Variants in PPP1R12A observed in about 807,000 individuals in gnomAD.
PPP1R12A encodes the protein myosin binding subunit.
PPP1R12A carries 19 observed loss-of-function variants against 139.6 expected under a neutral mutation model. The ratio of observed to expected loss-of-function variants is 0.14; its 90% CI spans 0.09 to 0.20. The LOEUF is 0.20. PPP1R12A is among the 10% of genes least tolerant of loss of function. The pLI, the probability that PPP1R12A is intolerant of heterozygous loss-of-function variation, is 1.00. For synonymous variants in PPP1R12A, 427 were observed against 420.6 expected (o/e 1.02, Z -0.19); for missense variants, 925 against 1,211.5 (o/e 0.76, Z 3.51).
At chr12:79,792,445 T>C (rs1480927381) in intron 19 of PPP1R12A, among the ~76,000 whole-genome samples, 3 of 152,216 alleles carry the variant, frequency 2.0e-5, no homozygotes, top group African/African-American at 7.2e-5. Context: ...TTAATCCAGT[T>C]TGACTTAGGT....
At chr12:79,864,693 CT>C (rs1881763954) in intron 2 of PPP1R12A, among the ~76,000 whole-genome samples, 1 of 152,210 alleles carries the variant, frequency 6.6e-6, no homozygotes, top group Non-Finnish European at 1.5e-5. Flanking sequence ...ACTATAAACA[CT>C]TCTATGCAAA....
chr12:79,876,022 G>A lies in PPP1R12A; in HGVS notation c.238-3084C>T, dbSNP rs548257749. On this transcript the variant is annotated intron_variant, in intron 1 of 24. Coordinates refer to ENST00000450142, the MANE Select transcript of PPP1R12A (RefSeq NM_002480.3). ...AAATGCCACTTCAACCTAAGAAAGA[G>A]CAGTTTGGGGCTGGCTGATGAGAGA... 2.6e-5 allele frequency among the ~76,000 whole-genome samples: 4 copies of A among 152,308 alleles called. No homozygotes were observed. The South Asian group carries it at 6.2e-4, about 24-fold the overall frequency.
intron 14 of PPP1R12A, among the ~76,000 whole-genome samples, chr12:79,800,171 C>T (rs1261192455): frequency 6.6e-6 from 1 of 152,100 alleles, no homozygotes; most frequent in Admixed American, 6.5e-5. Flanking sequence ...ACTTATAGAA[C>T]CAGAGTACAG....
intron 1 of PPP1R12A, among the ~76,000 whole-genome samples, chr12:79,885,735 T>A (rs1210104108): frequency 1.3e-5 from 2 of 152,214 alleles, no homozygotes; most frequent in Non-Finnish European, 2.9e-5. Flanking sequence ...TTACCCGAAA[T>A]GCTTGCAATT....
rs574558347 is a variant in PPP1R12A at position 79,877,004 on chromosome 12, C to A, written c.238-4066G>T. On this transcript the variant is annotated intron_variant, in intron 1 of 24. Transcript: ENST00000450142. ...CCAGCCTGGGCAACAGAGCAAGACT[C>A]CATCTCAGAAAAAAAAAGGGTAAAA... Among the ~76,000 whole-genome samples, 9 of 144,614 alleles carry A rather than the reference C, an allele frequency of 6.2e-5. No homozygotes were observed. In the East Asian group the frequency reaches 1.9e-3, roughly 30 times the overall value. The allele number at this position is 144,614 out of a possible 152,430, so 94.9% of individuals were successfully genotyped here.
chr12:79,833,610 A>T (rs930669874), intron 3 of PPP1R12A, among the ~76,000 whole-genome samples: 1 of 151,162 alleles, frequency 6.6e-6, no homozygotes, highest in African/African-American at 2.4e-5. Context: ...AGATCATTTG[A>T]GGTCAGCAGT....
At position 79,799,999 on chromosome 12, in the gene PPP1R12A, C is replaced by CA. The variant is rs575867045; in HGVS notation, c.2001-1416dup. On this transcript the variant is annotated intron_variant, in intron 14 of 24. Coordinates refer to ENST00000450142, the MANE Select transcript of PPP1R12A (RefSeq NM_002480.3). The stretch of plus-strand genomic sequence containing the variant: ...CAGCGTGGGTGACAGAATTGAGACT[C>CA]AAAAAAAAAAGTTAAATAATTAAAG... Among the ~76,000 whole-genome samples the CA allele has an allele frequency of 7.8e-3, 1,134 of 145,846 alleles. 11 individuals carry two copies. Among genetic ancestry groups the CA allele is most frequent in the African/African-American group, 0.027 (1,074 of 39,780 alleles).
At chr12:79,809,173 A>G (rs1355464220) in intron 10 of PPP1R12A, among the ~76,000 whole-genome samples, 1 of 152,118 alleles carries the variant, frequency 6.6e-6, no homozygotes, top group Non-Finnish European at 1.5e-5. Flanking sequence ...TTGATGAGAA[A>G]TTTCATCTGA....
At chr12:79,855,528 T>C (rs564387675) in intron 2 of PPP1R12A, among the ~76,000 whole-genome samples, 1 of 152,282 alleles carries the variant, frequency 6.6e-6, no homozygotes, top group Non-Finnish European at 1.5e-5. Context: ...GTAACTGTTT[T>C]AAGGTTTTGA....
At chr12:79,782,029 G>C (rs1870515462) in intron 22 of PPP1R12A, 167 bp from the exon 23 acceptor site, 1 of 412,492 alleles carries the variant, frequency 2.4e-6, no homozygotes, top group African/African-American at 2.1e-5. Context: ...ATAATAAAGA[G>C]TGCAATGAAT....
intron 3 of PPP1R12A, among the ~76,000 whole-genome samples, chr12:79,843,614 ATAGATATAGATATAGAT>A (rs1879023630): frequency 2.9e-5 from 1 of 33,986 alleles, no homozygotes; most frequent in Admixed American, 3.6e-4. Flanking sequence ...AAAAAAAAAT[ATAGATATAGATATAGAT>A]ATAGATATAG....
In PPP1R12A at chr12:79,792,418, C is replaced by T. The variant is rs560114009; in HGVS notation, c.2649+1445G>A. 1.8e-4 allele frequency among the ~76,000 whole-genome samples: 28 copies of T among 152,176 alleles called. 1 individual carries two copies. In the South Asian group the frequency reaches 5.6e-3, roughly 30 times the overall value. On this transcript the variant is annotated intron_variant, in intron 19 of 24. Transcript: ENST00000450142. ...AGGACTGCAGAATATAACTGGAGTA[C>T]AATACATTTTCTTTGTTTAATCCAG...
chr12:79,833,645 T>C (rs894522808), intron 3 of PPP1R12A, among the ~76,000 whole-genome samples: 1 of 141,288 alleles, frequency 7.1e-6, no homozygotes, highest in East Asian at 2.1e-4. Flanking sequence ...GCCAAAATGG[T>C]GACACCCCGT....
At chr12:79,790,671 C>T (rs1359085953) in intron 19 of PPP1R12A, among the ~76,000 whole-genome samples, 188 bp from the exon 20 acceptor site, 1 of 152,034 alleles carries the variant, frequency 6.6e-6, no homozygotes, top group Non-Finnish European at 1.5e-5. Flanking sequence ...TAGCTATATA[C>T]CTTTAAGGTC....
chr12:79,933,466 TACA>T (rs1053524523), intron 1 of PPP1R12A, among the ~76,000 whole-genome samples: 4 of 152,204 alleles, frequency 2.6e-5, no homozygotes, highest in African/African-American at 9.6e-5. Flanking sequence ...AAGTTTTTAC[TACA>T]ACATTATTCA....
intron 2 of PPP1R12A, among the ~76,000 whole-genome samples, chr12:79,868,821 A>T (rs2137316729): frequency 6.6e-6 from 1 of 151,568 alleles, no homozygotes; most frequent in South Asian, 2.1e-4. Context: ...TGCCCATAAT[A>T]CTGATTCAGC....
At chr12:79,800,219 C>T (rs1310180192) in intron 14 of PPP1R12A, among the ~76,000 whole-genome samples, 1 of 152,096 alleles carries the variant, frequency 6.6e-6, no homozygotes, top group South Asian at 2.1e-4. Flanking sequence ...CTGTGCAGGT[C>T]CACTTATATG....
At chr12:79,777,174 T>G (rs879339703) in intron 24 of PPP1R12A, 1 of 891,246 alleles carries the variant, frequency 1.1e-6, no homozygotes, top group Non-Finnish European at 1.3e-6. Context: ...ATATGTAAAA[T>G]GTTATATACT....
intron 2 of PPP1R12A, among the ~76,000 whole-genome samples, chr12:79,846,578 C>T (rs368635282): frequency 6.6e-6 from 1 of 151,742 alleles, no homozygotes; most frequent in Non-Finnish European, 1.5e-5. Context: ...TACAGGCACC[C>T]GCCACTGCGC....
Sources: allele counts gnomAD v4.1 joint callset (sites outside exome capture counted in the v4.1 genomes callset), GRCh38; gene constraint gnomAD v4.1.1; transcripts MANE v1.5; gene names NCBI Gene and HGNC (gene_info 2026-07-23, HGNC 2026-07-21).